Variants in MREG observed in about 807,000 individuals in gnomAD.
The protein encoded by MREG is melanoregulin, also known as dilute suppressor protein homolog.
MREG carries 31 observed loss-of-function variants against 28.5 expected under a neutral mutation model. The observed-to-expected ratio is 1.09, with a 90% confidence interval of 0.82 to 1.47. The LOEUF is 1.47. Among genes scored for constraint, MREG ranks in the 40% most tolerant of loss-of-function variants. The probability of loss-of-function intolerance (pLI) is 0.00; values close to 1 mark genes in which losing one functional copy is unlikely to be tolerated. For missense variants in MREG, 256 were observed against 257.4 expected, an observed-to-expected ratio of 0.99 and a Z score of 0.04; for synonymous variants, 106 against 95.2, an observed-to-expected ratio of 1.11 and a Z score of -0.66.
intron 2 of MREG, among the ~76,000 whole-genome samples, chr2:215,958,745 T>C (rs1692701482): frequency 6.6e-6 from 1 of 152,194 alleles, no homozygotes; most frequent in Non-Finnish European, 1.5e-5. Flanking sequence ...CCCATCCCAC[T>C]AGTGACCTGA....
intron 1 of MREG, among the ~76,000 whole-genome samples, chr2:215,996,712 T>A (rs1288641213): frequency 6.6e-6 from 1 of 151,820 alleles, no homozygotes; most frequent in Non-Finnish European, 1.5e-5. Flanking sequence ...AGGTAATTAC[T>A]ACAGTTAAAT....
chr2:215,997,041 G>A (rs774968915), intron 1 of MREG, among the ~76,000 whole-genome samples: 6 of 152,086 alleles, frequency 3.9e-5, no homozygotes, highest in African/African-American at 9.7e-5. Flanking sequence ...TTGGCCTCCC[G>A]AAGTGCTGGG....
chr2:215,957,089 G>A (rs897700490), intron 2 of MREG, among the ~76,000 whole-genome samples: 3 of 152,096 alleles, frequency 2.0e-5, no homozygotes, highest in African/African-American at 7.2e-5. Flanking sequence ...AGAACAGGAC[G>A]GGAGAGGGTG....
At chr2:215,992,668 T>C (rs559164667) in intron 2 of MREG, among the ~76,000 whole-genome samples, 16 of 152,282 alleles carry the variant, frequency 1.1e-4, no homozygotes, top group African/African-American at 3.6e-4. Flanking sequence ...GAAAACCCCA[T>C]TGTCTCAGCC....
intron 2 of MREG, among the ~76,000 whole-genome samples, chr2:215,993,920 C>T (rs541452825): frequency 5.9e-5 from 9 of 152,284 alleles, no homozygotes; most frequent in Admixed American, 2.6e-4. Flanking sequence ...ACAACAGATG[C>T]TGGAGAGATG....
At chr2:215,977,785 G>GTAAATAATGAAATGAAGGC (rs1170303565) in intron 2 of MREG, among the ~76,000 whole-genome samples, 1 of 152,122 alleles carries the variant, frequency 6.6e-6, no homozygotes, top group Non-Finnish European at 1.5e-5. Context: ...TGACTCCTGG[G>GTAAATAATGAAATGAAGGC]TAAATAATGA....
chr2:215,958,612 G>T (rs1381025651), intron 2 of MREG, among the ~76,000 whole-genome samples: 1 of 152,120 alleles, frequency 6.6e-6, no homozygotes, highest in African/African-American at 2.4e-5. Context: ...CTGACAAATG[G>T]CTTAGACTGG....
chr2:216,016,537 TC>T (rs2105928552), upstream of MREG, among the ~76,000 whole-genome samples: 1 of 152,316 alleles, frequency 6.6e-6, no homozygotes, highest in African/African-American at 2.4e-5. Flanking sequence ...TTTAAACATG[TC>T]ACTTAATTTT....
rs1692301056 is a variant in MREG at position 215,945,688 on chromosome 2, G to A, written c.393C>T (p.Ser131=). ...ADSLLSVTKL[S]TISDSKNTRK... ...TTGTGTTTTTAGAATCACTGATGGT[G>A]CTGAGTTTAGTCACTGACAACAAAG... The change falls in exon 4 of 5, where the codon AGC becomes AGT. Residue 131 remains serine (S), a synonymous_variant. Transcript: ENST00000263268. The A allele has an allele frequency of 1.2e-6, 2 of 1,613,864 alleles. No individual in the cohort carries two copies. Among genetic ancestry groups the A allele is most frequent in the Non-Finnish European group, 1.7e-6 (2 of 1,179,828 alleles).
intron 2 of MREG, among the ~76,000 whole-genome samples, chr2:215,990,006 G>A (rs1693680158): frequency 6.6e-6 from 1 of 152,140 alleles, no homozygotes; most frequent in Admixed American, 6.5e-5. Flanking sequence ...CTCCAACTTA[G>A]CAAGACAGGC....
intron 2 of MREG, among the ~76,000 whole-genome samples, chr2:215,972,971 T>C (rs2105991811): frequency 6.6e-6 from 1 of 151,810 alleles, no homozygotes; most frequent in African/African-American, 2.4e-5. Context: ...CTAGGTAGAG[T>C]GAATGGACAT....
chr2:215,959,891 G>C (rs1574601402), intron 2 of MREG, among the ~76,000 whole-genome samples: 1 of 152,092 alleles, frequency 6.6e-6, no homozygotes, highest in Admixed American at 6.5e-5. Flanking sequence ...AAAGTAAACT[G>C]CTGCTTCCTT....
chr2:215,994,156 C>T (rs1249990899), intron 2 of MREG, among the ~76,000 whole-genome samples: 1 of 151,994 alleles, frequency 6.6e-6, no homozygotes, highest in Non-Finnish European at 1.5e-5. Flanking sequence ...AGATTTGGAA[C>T]CAACCCAAAT....
rs1415534550 is a variant in MREG, at chr2:215,967,171, C to T, written c.256-20058G>A. Among the ~76,000 whole-genome samples the T allele has an allele frequency of 1.3e-5, 2 of 152,330 alleles. 1 individual carries two copies. The highest frequency in any genetic ancestry group is 6.8e-3 in the Middle Eastern group (2 of 294). On this transcript the variant is annotated intron_variant, in intron 2 of 4. Transcript: ENST00000263268. ...GAATGACTCCTCACCAAGCCAGTCACGAAGCTGCCTTTTGGATCATGAATT... is the reference window on the plus strand; with the variant it reads ...GAATGACTCCTCACCAAGCCAGTCATGAAGCTGCCTTTTGGATCATGAATT...
rs572391244 is a variant in MREG at position 215,971,223 on chromosome 2, G to A, written c.256-24110C>T. On this transcript the variant is annotated intron_variant, in intron 2 of 4. Transcript: ENST00000263268. Reference sequence around the variant, plus strand: ...TAAAACCTAGATGACGGGTTGATACGGGCAGCAAACCACCATGGCACATGT... The same window carrying A: ...TAAAACCTAGATGACGGGTTGATACAGGCAGCAAACCACCATGGCACATGT... Among the ~76,000 whole-genome samples, 15 of 152,206 alleles carry A rather than the reference G, an allele frequency of 9.9e-5. No homozygotes were observed. In the East Asian group the frequency reaches 2.1e-3, roughly 22 times the overall value.
In MREG at chr2:215,979,467, A is replaced by T. The variant is rs556148566; in HGVS notation, c.255+16839T>A. Among the ~76,000 whole-genome samples, 33 of 132,476 alleles carry T rather than the reference A, an allele frequency of 2.5e-4. No individual in the cohort carries two copies. The East Asian group carries it at 5.1e-3, about 21-fold the overall frequency. The allele number at this position is 132,476 out of a possible 152,430, so 86.9% of individuals were successfully genotyped here. Reference sequence around the variant, plus strand: ...AACAAGAGTGAAACTCCATCTCAAAAAATAATAATAATAATAATAATAATA... The same window carrying T: ...AACAAGAGTGAAACTCCATCTCAAATAATAATAATAATAATAATAATAATA... On this transcript the variant is annotated intron_variant, in intron 2 of 4. Coordinates refer to ENST00000263268, the MANE Select transcript of MREG (RefSeq NM_018000.3).
chr2:215,947,059 C>T lies in MREG; in HGVS notation c.310G>A (p.Val104Ile), dbSNP rs1343579809. The change falls in exon 3 of 5, where the codon GTA (valine) becomes ATA (isoleucine). Residue 104 changes from valine (V) to isoleucine (I), a missense_variant. Coordinates refer to ENST00000263268, the MANE Select transcript of MREG (RefSeq NM_018000.3). ...IHTLRQVRRE[V>I]RNRWKCILED... The stretch of plus-strand genomic sequence containing the variant: ...AAGATGCACTTCCATCTGTTTCTTA[C>T]TTCCCTTCGAACCTGCCGCAGGGTA... 1 of 1,612,446 alleles carries T rather than the reference C, an allele frequency of 6.2e-7. No homozygotes were observed. The highest frequency in any genetic ancestry group is 8.5e-7 in the Non-Finnish European group (1 of 1,178,782).
intron 1 of MREG, among the ~76,000 whole-genome samples, chr2:216,011,856 G>T (rs1049545402): frequency 2.6e-5 from 4 of 152,196 alleles, no homozygotes. Flanking sequence ...CAAGTTCAGT[G>T]TATAACCTAA....
chr2:216,020,209 G>A (rs1038276597), intron 1 of MREG, among the ~76,000 whole-genome samples: 1 of 151,780 alleles, frequency 6.6e-6, no homozygotes, highest in African/African-American at 2.4e-5. Context: ...TAATTATTAA[G>A]GACAAAAAAC....
Sources: allele counts gnomAD v4.1 joint callset (sites outside exome capture counted in the v4.1 genomes callset), GRCh38; gene constraint gnomAD v4.1.1; transcripts MANE v1.5; gene names NCBI Gene and HGNC (gene_info 2026-07-23, HGNC 2026-07-21).